URB1: variants seen among roughly 807,000 people sequenced by gnomAD.
The protein encoded by URB1 is URB1 ribosome biogenesis factor.
In URB1, 197 loss-of-function variants were observed where a neutral mutation model predicts 242.3. That is an observed-to-expected ratio of 0.81 (90% CI 0.72 to 0.91). The LOEUF is 0.91. Ranked by LOEUF, URB1 falls within the 40% of genes least tolerant of loss-of-function variation. The pLI is 0.00. For missense variants in URB1, 2,721 were observed against 2,860.5 expected, an observed-to-expected ratio of 0.95 and a Z score of 1.11; for synonymous variants, 1,153 against 1,201.8, an observed-to-expected ratio of 0.96 and a Z score of 0.84.
chr21:32,363,058 C>T (rs905178373), intron 11 of URB1, 98 bp downstream of exon 11: 5 of 1,443,192 alleles, frequency 3.5e-6, no homozygotes, highest in Non-Finnish European at 4.6e-6. Context: ...CCTGCGGCTC[C>T]AAGGACACAT....
At chr21:32,374,661 C>T (rs9981185) in intron 6 of URB1, among the ~76,000 whole-genome samples, 45,160 of 152,170 alleles carry the variant, frequency 0.3, 10,314 homozygotes, top group African/African-American at 0.63. Context: ...CTCAGCTCTA[C>T]TGACACTTGG....
At chr21:32,363,359 T>C (rs1412899903) in intron 10 of URB1, 30 bp from the exon 11 acceptor site, 2 of 1,543,128 alleles carry the variant, frequency 1.3e-6, no homozygotes, top group Non-Finnish European at 1.7e-6. Flanking sequence ...AATGCACACA[T>C]GTCTCTAGGA....
chr21:32,350,977 A>G, intron 19 of URB1, 55 bp from the exon 20 acceptor site: 1 of 1,507,074 alleles, frequency 6.6e-7, no homozygotes. Context: ...CACAGATGAA[A>G]ACGGTCATAG....
chr21:32,345,697 C>T (rs772404086), intron 22 of URB1, 122 bp from the exon 23 acceptor site: 62 of 1,051,504 alleles, frequency 5.9e-5, no homozygotes, highest in Non-Finnish European at 7.6e-5. Context: ...GATGCCACAC[C>T]GGTGGCCTGA....
chr21:32,360,036 T>G, intron 13 of URB1, 128 bp from the exon 14 acceptor site: 1 of 834,224 alleles, frequency 1.2e-6, no homozygotes, highest in Non-Finnish European at 1.9e-6. Context: ...GGGTTCTGTT[T>G]CTCTGTCCTG....
In URB1 at chr21:32,312,073, T is replaced by C; in HGVS notation, c.*2845A>G. On this transcript the variant is annotated 3_prime_UTR_variant, in exon 39 of 39. Coordinates refer to ENST00000382751, the MANE Select transcript of URB1 (RefSeq NM_014825.3). Reference sequence around the variant, plus strand: ...TGGACACATACGTTCCTCGTTCTTCTTAGAGGCCATTTGCATGTAGCAGAA... The same window carrying C: ...TGGACACATACGTTCCTCGTTCTTCCTAGAGGCCATTTGCATGTAGCAGAA... 1 of 1,602,652 alleles carries C rather than the reference T, an allele frequency of 6.2e-7. No homozygotes were observed. The highest frequency in any genetic ancestry group is 8.5e-7 in the Non-Finnish European group (1 of 1,178,974).
chr21:32,386,553 T>G (rs2033585615), intron 1 of URB1, among the ~76,000 whole-genome samples: 1 of 152,178 alleles, frequency 6.6e-6, no homozygotes, highest in African/African-American at 2.4e-5. Context: ...TTAGAAACCA[T>G]GAAGGCAATA....
chr21:32,311,619 G>A lies in URB1; in HGVS notation c.*3299C>T. ...GGCAGGTGTGGCAGGAAACCCCCCA[G>A]CCCCACAGTATGGACTGTTCTGCAG... is the stretch of plus-strand genomic sequence containing the variant. On this transcript the variant is annotated 3_prime_UTR_variant, in exon 39 of 39. Coordinates refer to ENST00000382751, the MANE Select transcript of URB1 (RefSeq NM_014825.3). The A allele has an allele frequency of 6.4e-7, 1 of 1,570,186 alleles. No individual in the cohort carries two copies. Among genetic ancestry groups the A allele is most frequent in the South Asian group, 1.2e-5 (1 of 82,562 alleles).
Position 32,349,286 on chromosome 21 carries a change from G to A in URB1, c.3012+18C>T. 1 of 1,515,364 alleles carries A rather than the reference G, an allele frequency of 6.6e-7. No individual in the cohort carries two copies. Among genetic ancestry groups the A allele is most frequent in the Non-Finnish European group, 8.9e-7 (1 of 1,128,704 alleles). 93.9% of individuals were successfully genotyped at this position (1,515,364 alleles called of 1,614,324 possible). ...CCATGACTCTGAGAATAGGCTACCAGGCAACCTGTGGCGGTACCTGATCAT... is the reference window on the plus strand; with the variant it reads ...CCATGACTCTGAGAATAGGCTACCAAGCAACCTGTGGCGGTACCTGATCAT... On this transcript the variant is annotated intron_variant, in intron 21 of 38. Coordinates refer to ENST00000382751, the MANE Select transcript of URB1 (RefSeq NM_014825.3).
rs8128584 is a variant in URB1 at position 32,319,556 on chromosome 21, C to T, written c.5595-142G>A. ...AAAAACAGGGTGCTTGCTATACAAA[C>T]GCAGCTTCCACACAGGACAAGGTGC... is the stretch of plus-strand genomic sequence containing the variant. On this transcript the variant is annotated intron_variant, in intron 35 of 38. Coordinates refer to ENST00000382751, the MANE Select transcript of URB1 (RefSeq NM_014825.3). The T allele has an allele frequency of 6.2e-3, 5,439 of 875,540 alleles. 229 individuals are homozygous for T. The African/African-American group carries it at 0.086, about 14-fold the overall frequency. 54.2% of individuals were successfully genotyped at this position (875,540 alleles called of 1,614,324 possible).
In URB1 at chr21:32,392,979, C is replaced by G. The variant is rs968770287; in HGVS notation, c.-69G>C. ...GACCCGGCAGGAGCACTGGCACAGA[C>G]AGCAGACACGCGCTTCAGGCCCACA... On this transcript the variant is annotated 5_prime_UTR_variant, in exon 1 of 39. Coordinates refer to ENST00000382751, the MANE Select transcript of URB1 (RefSeq NM_014825.3). The G allele has an allele frequency of 4.9e-6, 7 of 1,421,546 alleles. No individual in the cohort carries two copies. The highest frequency in any genetic ancestry group is 4.4e-5 in the African/African-American group (3 of 68,054). The allele number at this position is 1,421,546 out of a possible 1,614,324, so 88.1% of individuals were successfully genotyped here. A position where few individuals can be genotyped will look rare whatever the true frequency, so the allele number is the denominator to read the frequency against.
intron 7 of URB1, 141 bp from the exon 8 acceptor site, chr21:32,372,772 A>C: frequency 2.0e-6 from 2 of 1,004,526 alleles, no homozygotes; most frequent in South Asian, 3.8e-5. Flanking sequence ...CCAAACAATA[A>C]ATGAAAACAA....
intron 28 of URB1, chr21:32,335,494 A>T (rs2255643): frequency 0.8 from 121,388 of 152,334 alleles, 49,902 homozygotes; most frequent in Non-Finnish European, 0.89. Flanking sequence ...GGTTTTCCTG[A>T]GAGCACCAAG....
At position 32,385,638 on chromosome 21, in the gene URB1, A is replaced by T. The variant is rs58978310; in HGVS notation, c.189T>A (p.Asp63Glu). The change falls in exon 2 of 39, where the codon GAT (aspartate) becomes GAA (glutamate). Residue 63 changes from aspartate to glutamate, a missense_variant. Physicochemically the swap from Asp to Glu is conservative, Grantham distance 45. Transcript: ENST00000382751. ...TATACCCTTCCACAACATCATACACATCTTCTCGTGGTAGCTTCTTGGCAG... is the reference window on the plus strand; with the variant it reads ...TATACCCTTCCACAACATCATACACTTCTTCTCGTGGTAGCTTCTTGGCAG... ...VSAAKKLPREDVYDVVEGYIK... is the reference protein window; with the variant it reads ...VSAAKKLPREEVYDVVEGYIK... 161,619 of 1,551,174 alleles carry T rather than the reference A, an allele frequency of 0.1. 9,472 individuals carry two copies. The highest frequency in any genetic ancestry group is 0.23 in the African/African-American group (16,912 of 72,968).
In URB1 at chr21:32,350,689, G is replaced by A; in HGVS notation, c.2832+15C>T. 1 of 1,548,968 alleles carries A rather than the reference G, an allele frequency of 6.5e-7. No individual in the cohort carries two copies. The highest frequency in any genetic ancestry group is 8.7e-7 in the Non-Finnish European group (1 of 1,145,180). On this transcript the variant is annotated intron_variant, in intron 20 of 38. Transcript: ENST00000382751. ...CAGAGCTCTGAAGCCTGTGGAGGAT[G>A]GGGGCAACGCTGACCTGGCCGAAGT...
intron 9 of URB1, among the ~76,000 whole-genome samples, chr21:32,367,517 G>GT (rs367678400): frequency 3.0e-4 from 45 of 152,318 alleles, no homozygotes; most frequent in African/African-American, 1.0e-3. Flanking sequence ...ACAATCCCAG[G>GT]TATTTTACCA....
In URB1 at chr21:32,372,590, A is replaced by G. The variant is rs1385151546; in HGVS notation, c.918T>C (p.Leu306=). The G allele has an allele frequency of 8.4e-6, 13 of 1,551,534 alleles. No homozygotes were observed. The Admixed American group carries it at 9.8e-5, about 12-fold the overall frequency. ...EEAGKTMVRE[L]VHNFLMDLCC... is the part of the protein sequence containing the mutation. ...AAAGATCCATCAGGAAGTTATGAAC[A>G]AGCTCCCGCACCATGGTTTTCCCTG... Residue 306 remains leucine, a synonymous_variant, in exon 8 of 39, where the codon CTT becomes CTC. Coordinates refer to ENST00000382751, the MANE Select transcript of URB1 (RefSeq NM_014825.3).
At chr21:32,324,307 T>C (rs2032801355) in intron 32 of URB1, among the ~76,000 whole-genome samples, 184 bp downstream of exon 32, 1 of 152,244 alleles carries the variant, frequency 6.6e-6, no homozygotes, top group Admixed American at 6.5e-5. Context: ...CTCATAGCCA[T>C]CACCTATTTA....
intron 24 of URB1, among the ~76,000 whole-genome samples, chr21:32,341,755 AT>A (rs35860541): frequency 7.9e-5 from 12 of 151,490 alleles, no homozygotes; most frequent in Admixed American, 6.6e-5. Flanking sequence ...TGCAATGATT[AT>A]TTTTTTTTAA....
Sources: gnomAD v4.1 joint callset for allele counts (sites outside exome capture counted in the v4.1 genomes callset) on GRCh38, gnomAD v4.1.1 for gene constraint, MANE v1.5 for transcripts, NCBI Gene and HGNC (gene_info 2026-07-23, HGNC 2026-07-21) for gene names.